The following MTFMT variants were observed in gnomAD, a reference collection of about 807,000 sequenced individuals.
The protein encoded by MTFMT is mitochondrial methionyl-tRNA formyltransferase.
A neutral mutation model predicts 51.8 loss-of-function variants in MTFMT; 47 were observed. The ratio of observed to expected loss-of-function variants is 0.91; its 90% CI spans 0.72 to 1.16. The LOEUF (loss-of-function observed/expected upper bound fraction) is 1.16. Ranked by LOEUF, MTFMT falls within the 50% of genes most tolerant of loss-of-function variation. The pLI is 0.00. For missense variants in MTFMT, 512 were observed against 482.3 expected (o/e 1.06, Z -0.58); for synonymous variants, 196 against 176.7 (o/e 1.11, Z -0.87).
chr15:65,002,963 A>AG lies in MTFMT; in HGVS notation c.*98_*99insC, dbSNP rs71136309. ...GGGTGACAGAGTGAGACTCTGTCTC[A>AG]AAAAAAAAAAAAAAAAAAAAAGTCC... On this transcript the variant is annotated 3_prime_UTR_variant, in exon 9 of 9. Transcript: ENST00000220058. 18 of 160,740 alleles carry AG rather than the reference A, an allele frequency of 1.1e-4. No individual in the cohort carries two copies. The highest frequency in any genetic ancestry group is 1.6e-4 in the Non-Finnish European group (17 of 108,406). The allele number at this position is 160,740 out of a possible 1,614,324, so 10.0% of individuals were successfully genotyped here. A position where few individuals can be genotyped will look rare whatever the true frequency, so the allele number is the denominator to read the frequency against.
intron 1 of MTFMT, among the ~76,000 whole-genome samples, chr15:65,028,353 T>A (rs527350829): frequency 6.6e-6 from 1 of 152,334 alleles, no homozygotes; most frequent in Admixed American, 6.5e-5. Flanking sequence ...AGGTCGAGGC[T>A]GCAGTGAGCT....
At chr15:65,016,348 G>A (rs1359296555) in intron 6 of MTFMT, 88 bp downstream of exon 6, 1 of 725,380 alleles carries the variant, frequency 1.4e-6, no homozygotes, top group Non-Finnish European at 2.3e-6. Flanking sequence ...TTTTATTTGG[G>A]ATTATTCCTA....
At chr15:65,005,238 G>T (rs772602104) in intron 7 of MTFMT, among the ~76,000 whole-genome samples, 2 of 152,184 alleles carry the variant, frequency 1.3e-5, no homozygotes, top group African/African-American at 4.8e-5. Context: ...CTAGCCAACA[G>T]GGGGAAATAC....
rs997348981 is a variant in MTFMT, at chr15:65,017,029, G to A, written c.722-502C>T. 5.3e-5 allele frequency among the ~76,000 whole-genome samples: 8 copies of A among 150,148 alleles called. No individual in the cohort carries two copies. The East Asian group carries it at 1.2e-3, about 22-fold the overall frequency. Reference sequence around the variant, plus strand: ...ACTCCTAACCTTAAGTGATCCACCCGCCTCATCCTCCCAAAGTGCTAGGAT... The same window carrying A: ...ACTCCTAACCTTAAGTGATCCACCCACCTCATCCTCCCAAAGTGCTAGGAT... On this transcript the variant is annotated intron_variant, in intron 5 of 8. Transcript: ENST00000220058.
At chr15:65,020,349 C>T (rs530273327) in intron 4 of MTFMT, 77 bp from the exon 5 acceptor site, 125 of 1,203,050 alleles carry the variant, frequency 1.0e-4, no homozygotes, top group Middle Eastern at 1.9e-4. Flanking sequence ...TACAATTCAG[C>T]ACCATGAAAT....
At chr15:65,028,689 TA>T (rs1249699061) in intron 1 of MTFMT, among the ~76,000 whole-genome samples, 2 of 151,640 alleles carry the variant, frequency 1.3e-5, no homozygotes, top group African/African-American at 2.4e-5. Flanking sequence ...AATGGGGAAA[TA>T]AAAAACATTA....
intron 2 of MTFMT, chr15:65,026,459 CTG>C: frequency 3.8e-6 from 1 of 261,708 alleles, no homozygotes; most frequent in South Asian, 5.7e-5. Flanking sequence ...TTGTCTATAC[CTG>C]TGACTGGAGG....
rs933533126 is a variant in MTFMT at position 65,001,697 on chromosome 15, T to C, written c.*1365A>G. 18 of 152,062 alleles carry C rather than the reference T, an allele frequency of 1.2e-4. No individual in the cohort carries two copies. The highest frequency in any genetic ancestry group is 4.4e-4 in the African/African-American group (18 of 41,378). The allele number at this position is 152,062 out of a possible 1,614,324, so 9.4% of individuals were successfully genotyped here. On this transcript the variant is annotated 3_prime_UTR_variant, in exon 9 of 9. Coordinates refer to ENST00000220058, the MANE Select transcript of MTFMT (RefSeq NM_139242.4). ...AGCAACATAGTGAGACCCCTATCTC[T>C]ACAAAATTTTTTTTAAAAACTAAGA...
At chr15:65,005,220 T>C (rs1202868389) in intron 7 of MTFMT, among the ~76,000 whole-genome samples, 3 of 152,198 alleles carry the variant, frequency 2.0e-5, no homozygotes, top group Non-Finnish European at 4.4e-5. Flanking sequence ...AGCGCTTTGG[T>C]GAAATAACTA....
At chr15:65,020,303 T>C in intron 4 of MTFMT, 31 bp from the exon 5 acceptor site, 3 of 1,561,686 alleles carry the variant, frequency 1.9e-6, no homozygotes, top group Non-Finnish European at 2.6e-6. Context: ...GTGTGATATA[T>C]TCAAAATGAA....
At chr15:65,003,678 G>A (rs902161905) in intron 8 of MTFMT, among the ~76,000 whole-genome samples, 5 of 150,822 alleles carry the variant, frequency 3.3e-5, no homozygotes, top group Admixed American at 1.3e-4. Flanking sequence ...CCAACATGGC[G>A]AAACCCCGTC....
chr15:65,017,008 C>A (rs2086329477), intron 5 of MTFMT, among the ~76,000 whole-genome samples: 1 of 151,092 alleles, frequency 6.6e-6, no homozygotes. Flanking sequence ...TCTCGAACTC[C>A]TAACCTTAAG....
At chr15:65,027,316 G>A (rs868089930) in intron 1 of MTFMT, among the ~76,000 whole-genome samples, 17 of 151,616 alleles carry the variant, frequency 1.1e-4, no homozygotes, top group African/African-American at 3.9e-4. Context: ...TCCTGCCTCA[G>A]TCTCCCGAAT....
At chr15:65,021,710 G>C in intron 3 of MTFMT, 94 bp from the exon 4 acceptor site, 1 of 972,012 alleles carries the variant, frequency 1.0e-6, no homozygotes, top group Non-Finnish European at 1.5e-6. Context: ...GGGTACAGTG[G>C]TCTGCATGCC....
At chr15:65,027,690 T>A (rs977509942) in intron 1 of MTFMT, among the ~76,000 whole-genome samples, 1 of 152,166 alleles carries the variant, frequency 6.6e-6, no homozygotes, top group Non-Finnish European at 1.5e-5. Context: ...ATGCTATATA[T>A]GCTATTATGT....
At position 65,014,801 on chromosome 15, in the gene MTFMT, TG is replaced by T. The variant is rs560073973; in HGVS notation, c.813+1634del. On this transcript the variant is annotated intron_variant, in intron 6 of 8. Coordinates refer to ENST00000220058, the MANE Select transcript of MTFMT (RefSeq NM_139242.4). ...TGCCACCACGCCCAGCTAATTTTTT[TG>T]TGTGTTTTTAGTAGAGACAGGGTTT... is the stretch of plus-strand genomic sequence containing the variant. Among the ~76,000 whole-genome samples the T allele has an allele frequency of 1.1e-3, 171 of 150,534 alleles. 2 individuals are homozygous for T. The highest frequency in any genetic ancestry group is 4.1e-3 in the African/African-American group (167 of 40,756).
At chr15:65,025,612 A>G (rs2086416261) in intron 2 of MTFMT, among the ~76,000 whole-genome samples, 1 of 152,124 alleles carries the variant, frequency 6.6e-6, no homozygotes. Flanking sequence ...GATGGATTGG[A>G]TATGGGACGT....
rs774936987 is a variant in MTFMT at position 65,026,832 on chromosome 15, A to G, written c.418T>C (p.Tyr140His). The G allele has an allele frequency of 6.2e-7, 1 of 1,612,772 alleles. No homozygotes were observed. The highest frequency in any genetic ancestry group is 1.7e-5 in the Admixed American group (1 of 59,900). The change falls in exon 2 of 9, where the codon TAT (tyrosine) becomes CAT (histidine). Residue 140 changes from tyrosine (Y) to histidine (H), a missense_variant and splice_region_variant. By Grantham distance (83) the Tyr-to-His change is moderately conservative. Transcript: ENST00000220058. The stretch of plus-strand genomic sequence containing the variant: ...TATTTCCTTACAAATAAAACTTACT[A>G]GGGAAATTTAAGAATAAGAGCCTCA... Reference protein sequence around the residue: ...LNEALILKFPYGILNVHPSCL... With the variant: ...LNEALILKFPHGILNVHPSCL...
Position 65,029,487 on chromosome 15 carries a change from G to A in MTFMT, c.127C>T (p.Arg43Cys), listed in dbSNP as rs2086460689. ...AGCACCCGCCAGGGAGGCTTCTCGC[G>A]GACTCTGGAGTCCCGGCAGTCCTCC... ...GWEDCRDSRV[R>C]EKPPWRVLFF... Residue 43 changes from arginine (R) to cysteine (C), a missense_variant, in exon 1 of 9, where the codon CGC becomes TGC. Physicochemically the swap from Arg to Cys is radical, Grantham distance 180. Transcript: ENST00000220058. The A allele has an allele frequency of 6.5e-7, 1 of 1,533,780 alleles. No homozygotes were observed. Among genetic ancestry groups the A allele is most frequent in the East Asian group, 2.6e-5 (1 of 39,058 alleles).
Sources: allele counts gnomAD v4.1 joint callset (sites outside exome capture counted in the v4.1 genomes callset), GRCh38; gene constraint gnomAD v4.1.1; transcripts MANE v1.5; gene names NCBI Gene and HGNC (gene_info 2026-07-23, HGNC 2026-07-21).